The following MCPH1 variants were observed in gnomAD, a reference collection of about 807,000 sequenced individuals.
MCPH1 encodes microcephalin.
A neutral mutation model predicts 84.5 loss-of-function variants in MCPH1; 104 were observed. The observed-to-expected ratio is 1.23, with a 90% CI of 1.05 to 1.45. MCPH1 has a LOEUF of 1.45. MCPH1 is among the 40% of genes most tolerant of loss of function. MCPH1 has a pLI of 0.00. For missense variants in MCPH1, 1,498 were observed against 1,005.7 expected (o/e 1.49, Z -6.62); for synonymous variants, 514 against 366.8 (o/e 1.40, Z -4.58).
At chr8:6,586,428 G>A (rs970698751) in intron 12 of MCPH1, among the ~76,000 whole-genome samples, 1 of 152,154 alleles carries the variant, frequency 6.6e-6, no homozygotes, top group African/African-American at 2.4e-5. Flanking sequence ...CAGCCTCCAC[G>A]CTTCCCTGTG....
At chr8:6,442,026 C>G (rs372509128) in intron 6 of MCPH1, 41 bp from the exon 7 acceptor site, 289 of 1,405,804 alleles carry the variant, frequency 2.1e-4, no homozygotes, top group Non-Finnish European at 2.7e-4. Flanking sequence ...CTAAGAAATA[C>G]TGAAACTTTA....
intron 11 of MCPH1, among the ~76,000 whole-genome samples, chr8:6,492,707 AAAT>A (rs1484587320): frequency 6.9e-6 from 1 of 145,776 alleles, no homozygotes; most frequent in Non-Finnish European, 1.5e-5. Flanking sequence ...TTTTAAAAAT[AAAT>A]ATTTTATATT....
chr8:6,638,076 T>C (rs565191107), intron 13 of MCPH1, among the ~76,000 whole-genome samples: 1 of 152,186 alleles, frequency 6.6e-6, no homozygotes, highest in African/African-American at 2.4e-5. Flanking sequence ...CCTACAGGAC[T>C]GCTGTGTGAA....
chr8:6,524,595 C>T (rs990747203), intron 12 of MCPH1, among the ~76,000 whole-genome samples: 3 of 152,170 alleles, frequency 2.0e-5, no homozygotes, highest in African/African-American at 7.2e-5. Context: ...TATTGAACAC[C>T]TACCATGTAC....
At chr8:6,425,571 T>G (rs1800936283) in intron 3 of MCPH1, among the ~76,000 whole-genome samples, 1 of 152,156 alleles carries the variant, frequency 6.6e-6, no homozygotes, top group Non-Finnish European at 1.5e-5. Flanking sequence ...ACCTTACATC[T>G]TATCACTCTG....
At chr8:6,640,059 C>CGTGT (rs147642349) in intron 13 of MCPH1, among the ~76,000 whole-genome samples, 24,349 of 133,964 alleles carry the variant, frequency 0.18, 2,241 homozygotes, top group East Asian at 0.26. Context: ...ATTTTAAACT[C>CGTGT]GTGTGTGTGT....
chr8:6,474,317 G>C (rs1808152963), intron 9 of MCPH1: 2 of 469,656 alleles, frequency 4.3e-6, no homozygotes, highest in South Asian at 4.6e-5. Context: ...CCAACCTCTG[G>C]TGTACCTGGC....
At chr8:6,474,203 C>G (rs113382510) in intron 9 of MCPH1, 40 of 692,200 alleles carry the variant, frequency 5.8e-5, no homozygotes, top group African/African-American at 3.9e-4. Context: ...TAAAATGGGA[C>G]AATTATACTC....
chr8:6,613,880 G>A (rs1290999996), intron 12 of MCPH1, among the ~76,000 whole-genome samples: 1 of 152,146 alleles, frequency 6.6e-6, no homozygotes, highest in Admixed American at 6.5e-5. Context: ...ACTTGATGCA[G>A]AGTTTCAGGA....
At chr8:6,427,103 GGTAA>G (rs775446817) in intron 3 of MCPH1, among the ~76,000 whole-genome samples, 4 of 152,076 alleles carry the variant, frequency 2.6e-5, no homozygotes, top group Admixed American at 6.6e-5. Flanking sequence ...GTGAAACAGT[GGTAA>G]GTATTTGTGT....
intron 9 of MCPH1, among the ~76,000 whole-genome samples, chr8:6,457,959 C>G (rs1805877835): frequency 6.6e-6 from 1 of 152,152 alleles, no homozygotes; most frequent in African/African-American, 2.4e-5. Flanking sequence ...CCAAGCCAGA[C>G]ATGCTGGTGT....
rs1041939771 is a variant in MCPH1, at chr8:6,444,814, T to A, written c.1092T>A (p.His364Gln). The change falls in exon 8 of 14, where the codon CAT becomes CAA. Residue 364 changes from histidine (H) to glutamine (Q), a missense_variant. Transcript: ENST00000344683. ...GAAAAAGAGTATCACATGGCTCCCA[T>A]TCACCTCCGAAGGAAAAATGCAAGA... ...VKRKRVSHGSHSPPKEKCKRK... is the reference protein window; with the variant it reads ...VKRKRVSHGSQSPPKEKCKRK... 6.2e-7 allele frequency: 1 copy of A among 1,613,970 alleles called. No individual in the cohort carries two copies. The highest frequency in any genetic ancestry group is 8.5e-7 in the Non-Finnish European group (1 of 1,180,024).
intron 12 of MCPH1, among the ~76,000 whole-genome samples, chr8:6,522,321 C>T (rs893015204): frequency 1.3e-5 from 2 of 151,822 alleles, no homozygotes; most frequent in Non-Finnish European, 1.5e-5. Flanking sequence ...TGCCACTGCA[C>T]TCCAGCCTGG....
At chr8:6,474,165 C>G in intron 9 of MCPH1, 2 of 745,060 alleles carry the variant, frequency 2.7e-6, no homozygotes, top group South Asian at 1.4e-5. Flanking sequence ...ATTTGGTTAT[C>G]TAACTCATCA....
At chr8:6,504,935 A>C (rs1812982160) in intron 12 of MCPH1, among the ~76,000 whole-genome samples, 1 of 152,048 alleles carries the variant, frequency 6.6e-6, no homozygotes, top group Admixed American at 6.6e-5. Context: ...TTGATTTTAC[A>C]TATGTTAAAC....
intron 7 of MCPH1, among the ~76,000 whole-genome samples, chr8:6,443,155 A>G (rs1322539594): frequency 6.6e-6 from 1 of 152,212 alleles, no homozygotes; most frequent in Non-Finnish European, 1.5e-5. Context: ...TTTGCCAGTG[A>G]AAAACCAGGA....
At chr8:6,534,005 C>A (rs1415783204) in intron 12 of MCPH1, among the ~76,000 whole-genome samples, 1 of 152,046 alleles carries the variant, frequency 6.6e-6, no homozygotes, top group Admixed American at 6.5e-5. Context: ...CCGATGCCCC[C>A]TCGCCATCGA....
chr8:6,642,936 C>A, intron 13 of MCPH1, 58 bp from the exon 14 acceptor site: 1 of 1,496,180 alleles, frequency 6.7e-7, no homozygotes, highest in Non-Finnish European at 9.3e-7. Context: ...AACAGGTTAT[C>A]ACTTTCCTAT....
chr8:6,542,599 T>TAA (rs550068553), intron 12 of MCPH1, among the ~76,000 whole-genome samples: 4 of 146,602 alleles, frequency 2.7e-5, no homozygotes, highest in Admixed American at 6.8e-5. Flanking sequence ...ATTCTTATCT[T>TAA]AAAAAAAAAA....
Sources: gnomAD v4.1 joint callset for allele counts (sites outside exome capture counted in the v4.1 genomes callset) on GRCh38, gnomAD v4.1.1 for gene constraint, MANE v1.5 for transcripts, NCBI Gene and HGNC (gene_info 2026-07-23, HGNC 2026-07-21) for gene names.